The following SMAD2 variants were observed in gnomAD, a reference collection of about 807,000 sequenced individuals.
The protein encoded by SMAD2 is SMAD family member 2, also known as MAD homolog 2.
Under a neutral mutation model 64.4 loss-of-function variants are expected in SMAD2, and 8 were observed. The ratio of observed to expected loss-of-function variants is 0.12; its 90% CI spans 0.07 to 0.22. The LOEUF is 0.22. SMAD2 is among the 10% of genes least tolerant of loss of function. The pLI is 1.00. For synonymous variants in SMAD2, 203 were observed against 195.8 expected, an observed-to-expected ratio of 1.04 and a Z score of -0.31; for missense variants, 289 against 561.2, an observed-to-expected ratio of 0.51 and a Z score of 4.90.
At chr18:47,894,453 T>G (rs999768457) in intron 2 of SMAD2, among the ~76,000 whole-genome samples, 3 of 152,172 alleles carry the variant, frequency 2.0e-5, no homozygotes, top group Admixed American at 6.5e-5. Context: ...CCTTACTACC[T>G]ATACACACTA....
intron 2 of SMAD2, chr18:47,886,840 GATAATA>G (rs1002559948): frequency 3.1e-5 from 5 of 159,072 alleles, no homozygotes; most frequent in African/African-American, 1.2e-4. Flanking sequence ...AAACGATGAT[GATAATA>G]GAAGAAAACT....
In SMAD2 at chr18:47,837,640, C is replaced by CA; in HGVS notation, c.*4186dup. On this transcript the variant is annotated 3_prime_UTR_variant, in exon 11 of 11. Coordinates refer to ENST00000262160, the MANE Select transcript of SMAD2 (RefSeq NM_005901.6). The stretch of plus-strand genomic sequence containing the variant: ...CAAGTACCACCTGGATGTGTGTTGT[C>CA]AGGTAGAAAGGAAGAATAAAATTCA... The CA allele has an allele frequency of 4.4e-6, 1 of 228,832 alleles. No individual in the cohort carries two copies. Among genetic ancestry groups the CA allele is most frequent in the East Asian group, 6.2e-5 (1 of 16,186 alleles). 14.2% of individuals were successfully genotyped at this position (228,832 alleles called of 1,614,324 possible).
intron 6 of SMAD2, among the ~76,000 whole-genome samples, chr18:47,859,449 A>C (rs977900723): frequency 5.3e-5 from 8 of 152,196 alleles, no homozygotes; most frequent in Non-Finnish European, 1.2e-4. Flanking sequence ...ATAAATTTCC[A>C]AGGACTAAAG....
rs1912968397 is a variant in SMAD2, at chr18:47,830,987, T to A, written c.*10840A>T. ...ACACACACACACTAGGGTTTATATG[T>A]AGCAACTTCCTCATCCTCATTCCAC... is the stretch of plus-strand genomic sequence containing the variant. On this transcript the variant is annotated 3_prime_UTR_variant, in exon 11 of 11. Coordinates refer to ENST00000262160, the MANE Select transcript of SMAD2 (RefSeq NM_005901.6). 6.6e-6 allele frequency: 1 copy of A among 152,432 alleles called. No homozygotes were observed. Among genetic ancestry groups the A allele is most frequent in the Non-Finnish European group, 1.5e-5 (1 of 68,180 alleles). The allele number at this position is 152,432 out of a possible 1,614,324, so 9.4% of individuals were successfully genotyped here. A position where few individuals can be genotyped will look rare whatever the true frequency, so the allele number is the denominator to read the frequency against.
In SMAD2 at chr18:47,827,215, GCTTC is replaced by G. The variant is rs907455774; in HGVS notation, c.*14608_*14611del. ...CTGAAGTATTTGACTGTACAGGACTGCTTCCTTCAAGTGTTCCATCCTTAGCATT... is the reference window on the plus strand; with the variant it reads ...CTGAAGTATTTGACTGTACAGGACTGCTTCAAGTGTTCCATCCTTAGCATT... On this transcript the variant is annotated 3_prime_UTR_variant, in exon 11 of 11. Coordinates refer to ENST00000262160, the MANE Select transcript of SMAD2 (RefSeq NM_005901.6). 15 of 152,158 alleles carry G rather than the reference GCTTC, an allele frequency of 9.9e-5. No homozygotes were observed. Among genetic ancestry groups the G allele is most frequent in the African/African-American group, 2.9e-4 (12 of 41,424 alleles). The allele number at this position is 152,158 out of a possible 1,614,324, so 9.4% of individuals were successfully genotyped here.
At chr18:47,889,537 C>T (rs1224489627) in intron 2 of SMAD2, among the ~76,000 whole-genome samples, 2 of 151,938 alleles carry the variant, frequency 1.3e-5, no homozygotes, top group African/African-American at 4.8e-5. Context: ...TTTGGGAGGC[C>T]GAGGTGGGCG....
chr18:47,825,461 T>A lies in SMAD2; in HGVS notation c.*16366A>T, dbSNP rs1314129845. The A allele has an allele frequency of 6.6e-6, 1 of 152,246 alleles. No individual in the cohort carries two copies. The highest frequency in any genetic ancestry group is 2.4e-5 in the African/African-American group (1 of 41,448). The allele number at this position is 152,246 out of a possible 1,614,324, so 9.4% of individuals were successfully genotyped here. A position where few individuals can be genotyped will look rare whatever the true frequency, so the allele number is the denominator to read the frequency against. On this transcript the variant is annotated 3_prime_UTR_variant, in exon 11 of 11. Coordinates refer to ENST00000262160, the MANE Select transcript of SMAD2 (RefSeq NM_005901.6). ...GACTTGTTTGGTTGTTGTGAACAAG[T>A]GGGTTGTTTGCACGTCTGCTTCCCC...
intron 1 of SMAD2, among the ~76,000 whole-genome samples, chr18:47,899,082 T>C (rs774949185): frequency 1.4e-4 from 22 of 151,948 alleles, no homozygotes; most frequent in African/African-American, 3.1e-4. Context: ...CAGCAGAGAA[T>C]TGCAATACAC....
intron 1 of SMAD2, among the ~76,000 whole-genome samples, chr18:47,927,433 G>C (rs548896946): frequency 6.6e-6 from 1 of 152,266 alleles, no homozygotes; most frequent in African/African-American, 2.4e-5. Context: ...ACTAACAACT[G>C]TCTTACTCTA....
rs1250018211 is a variant in SMAD2, at chr18:47,834,853, T to C, written c.*6974A>G. 4.5e-6 allele frequency: 1 copy of C among 220,514 alleles called. No individual in the cohort carries two copies. The highest frequency in any genetic ancestry group is 9.1e-6 in the Non-Finnish European group (1 of 109,964). The allele number at this position is 220,514 out of a possible 1,614,324, so 13.7% of individuals were successfully genotyped here. ...CTTTCTTTTTTAGGTGAAAATATTCTATGCCAACTGTTTTCCACAGTCCTG... is the reference window on the plus strand; with the variant it reads ...CTTTCTTTTTTAGGTGAAAATATTCCATGCCAACTGTTTTCCACAGTCCTG... On this transcript the variant is annotated 3_prime_UTR_variant, in exon 11 of 11. Coordinates refer to ENST00000262160, the MANE Select transcript of SMAD2 (RefSeq NM_005901.6).
chr18:47,909,864 C>T (rs2034052995), intron 1 of SMAD2, among the ~76,000 whole-genome samples: 2 of 152,132 alleles, frequency 1.3e-5, no homozygotes, highest in South Asian at 4.1e-4. Flanking sequence ...TCAAAGTGAT[C>T]TACTTGTCCC....
chr18:47,898,426 C>T (rs181219191), intron 1 of SMAD2, among the ~76,000 whole-genome samples: 4 of 152,016 alleles, frequency 2.6e-5, no homozygotes, highest in South Asian at 2.1e-4. Context: ...TATGTGTGTA[C>T]AAAAAACTGG....
At chr18:47,850,243 ATATTATATATATTATG>A (rs1915037492) in intron 7 of SMAD2, among the ~76,000 whole-genome samples, 1 of 88,782 alleles carries the variant, frequency 1.1e-5, no homozygotes, top group Non-Finnish European at 2.0e-5. Context: ...TATATATTAT[ATATTATATATATTATG>A]TATAATATAT....
chr18:47,857,428 G>C (rs979108367), intron 6 of SMAD2, among the ~76,000 whole-genome samples: 3 of 152,098 alleles, frequency 2.0e-5, no homozygotes, highest in African/African-American at 7.2e-5. Context: ...TTCATAATGA[G>C]AAAAAAGGCT....
intron 1 of SMAD2, among the ~76,000 whole-genome samples, chr18:47,905,471 T>G (rs1312571896): frequency 6.7e-6 from 1 of 149,174 alleles, no homozygotes; most frequent in African/African-American, 2.5e-5. Context: ...AAAAAAAAAC[T>G]AGAATAACCA....
At position 47,826,078 on chromosome 18, in the gene SMAD2, G is replaced by A. The variant is rs1213563970; in HGVS notation, c.*15749C>T. ...GTTAACTTCCAGTCATGTGATAATG[G>A]CCAGGAGCAACCACAATGATTAACC... is the stretch of plus-strand genomic sequence containing the variant. On this transcript the variant is annotated 3_prime_UTR_variant, in exon 11 of 11. Coordinates refer to ENST00000262160, the MANE Select transcript of SMAD2 (RefSeq NM_005901.6). 6.6e-6 allele frequency: 1 copy of A among 152,190 alleles called. No individual in the cohort carries two copies. The highest frequency in any genetic ancestry group is 2.4e-5 in the African/African-American group (1 of 41,444). The allele number at this position is 152,190 out of a possible 1,614,324, so 9.4% of individuals were successfully genotyped here.
intron 1 of SMAD2, among the ~76,000 whole-genome samples, chr18:47,900,895 T>C (rs900295795): frequency 5.3e-5 from 8 of 152,204 alleles, no homozygotes; most frequent in African/African-American, 1.9e-4. Flanking sequence ...AGGAATTTTC[T>C]AGTTATTTTT....
intron 1 of SMAD2, among the ~76,000 whole-genome samples, chr18:47,926,212 C>T (rs1223917935): frequency 6.6e-6 from 1 of 152,164 alleles, no homozygotes; most frequent in Non-Finnish European, 1.5e-5. Flanking sequence ...TGAAATAAGC[C>T]ATAAGCTATA....
intron 1 of SMAD2, among the ~76,000 whole-genome samples, chr18:47,905,736 G>GCTCTTAGAGGAAGCTCTTAGA (rs1199545843): frequency 6.6e-6 from 1 of 152,166 alleles, no homozygotes; most frequent in African/African-American, 2.4e-5. Context: ...CATCTTCAAT[G>GCTCTTAGAGGAAGCTCTTAGA]GGAAAGCAGA....
Sources: allele counts gnomAD v4.1 joint callset (sites outside exome capture counted in the v4.1 genomes callset), GRCh38; gene constraint gnomAD v4.1.1; transcripts MANE v1.5; gene names NCBI Gene and HGNC (gene_info 2026-07-23, HGNC 2026-07-21).